The following RNF19A variants were observed in gnomAD, a reference collection of about 807,000 sequenced individuals.
RNF19A encodes the protein ring finger protein 19A, RBR E3 ubiquitin protein ligase, also known as E3 ubiquitin-protein ligase RNF19A.
RNF19A carries 32 observed loss-of-function variants against 75.7 expected under a neutral mutation model. That is an observed-to-expected ratio of 0.42 (90% CI 0.32 to 0.57). The LOEUF is 0.57. RNF19A is among the 20% of genes least tolerant of loss of function. The pLI is 0.10. For missense variants in RNF19A, 782 were observed against 1,036.3 expected (o/e 0.75, Z 3.37); for synonymous variants, 335 against 345.2 (o/e 0.97, Z 0.33).
intron 1 of RNF19A, among the ~76,000 whole-genome samples, chr8:100,289,747 AAC>A (rs1821200896): frequency 6.6e-6 from 1 of 152,222 alleles, no homozygotes; most frequent in African/African-American, 2.4e-5. Flanking sequence ...ATCAAATTGG[AAC>A]ACAGAGATGC....
In RNF19A at chr8:100,284,501, A is replaced by G. The variant is rs1313053423; in HGVS notation, c.674+3000T>C. On this transcript the variant is annotated intron_variant, in intron 2 of 9. Coordinates refer to ENST00000341084, the MANE Select transcript of RNF19A (RefSeq NM_183419.4). This position sits in a 1 kb window ranked among gnomAD's most constrained non-coding sequence, Gnocchi z 4.3. ...TAAGACTATGACAACCAATAACACCAAAAATTAATGTATGGCCAAATTAAT... is the reference window on the plus strand; with the variant it reads ...TAAGACTATGACAACCAATAACACCGAAAATTAATGTATGGCCAAATTAAT... Among the ~76,000 whole-genome samples, 1 of 152,164 alleles carries G rather than the reference A, an allele frequency of 6.6e-6. No individual in the cohort carries two copies. Among genetic ancestry groups the G allele is most frequent in the East Asian group, 1.9e-4 (1 of 5,204 alleles).
chr8:100,321,630 G>A (rs1466731579), intron 1 of RNF19A, among the ~76,000 whole-genome samples: 1 of 152,168 alleles, frequency 6.6e-6, no homozygotes, highest in East Asian at 1.9e-4. Flanking sequence ...TTTACAGAAA[G>A]TTTTCAATTC....
upstream of RNF19A, among the ~76,000 whole-genome samples, chr8:100,311,072 A>C (rs916749063): frequency 3.3e-5 from 5 of 152,246 alleles, no homozygotes; most frequent in African/African-American, 1.2e-4. Flanking sequence ...ACTTAACTAA[A>C]TATATCACTC....
rs887945734 is a variant in RNF19A at position 100,261,484 on chromosome 8, C to T, written c.1682+58G>A. 15 of 1,363,130 alleles carry T rather than the reference C, an allele frequency of 1.1e-5. No individual in the cohort carries two copies. Among genetic ancestry groups the T allele is most frequent in the Non-Finnish European group, 1.6e-5 (15 of 954,282 alleles). 84.4% of individuals were successfully genotyped at this position (1,363,130 alleles called of 1,614,324 possible). On this transcript the variant is annotated intron_variant, in intron 8 of 9. Transcript: ENST00000341084. This position sits in a 1 kb window ranked among gnomAD's most constrained non-coding sequence, Gnocchi z 4.4. ...TCATGCTTTATGTTCAAAATTCTCA[C>T]CTAATTAATAATTTGTAGTTACCAG...
Position 100,316,012 on chromosome 8 carries a change from G to A in RNF19A, c.-242-2640C>T, listed in dbSNP as rs990029648. On this transcript the variant is annotated intron_variant, in intron 1 of 3. Transcript: ENST00000519527. ...CAAGAATGAAGCCGTGGACCCTTGC[G>A]GTGAGTGTTACAGCTTTTAAGGTGG... Among the ~76,000 whole-genome samples the A allele has an allele frequency of 1.2e-4, 19 of 152,102 alleles. 1 individual carries two copies. The highest frequency in any genetic ancestry group is 2.1e-4 in the Non-Finnish European group (14 of 68,010).
intron 2 of RNF19A, among the ~76,000 whole-genome samples, chr8:100,276,119 A>G (rs948662787): frequency 2.6e-5 from 4 of 152,228 alleles, no homozygotes; most frequent in African/African-American, 9.6e-5. Context: ...AAACAAATGA[A>G]TATTTGTGCT....
At position 100,274,291 on chromosome 8, in the gene RNF19A, T is replaced by C. The variant is rs60449074; in HGVS notation, c.883+662A>G. 3.4e-3 allele frequency among the ~76,000 whole-genome samples: 521 copies of C among 152,314 alleles called. 2 individuals carry two copies. The highest frequency in any genetic ancestry group is 0.012 in the African/African-American group (485 of 41,560). ...TCCAAGTGAACTACCCAATGGCTAC[T>C]GCTGACTCTTCAGGGAACAGTTTAG... On this transcript the variant is annotated intron_variant, in intron 3 of 9. Coordinates refer to ENST00000341084, the MANE Select transcript of RNF19A (RefSeq NM_183419.4).
At position 100,264,078 on chromosome 8, in the gene RNF19A, T is replaced by C. The variant is rs773654890; in HGVS notation, c.1424A>G (p.Asp475Gly). The change falls in exon 7 of 10, where the codon GAT becomes GGT. Residue 475 changes from aspartate (D) to glycine (G), a missense_variant. Transcript: ENST00000341084. The surrounding 1 kb of genome is among the most constrained non-coding windows in gnomAD (Gnocchi z 4.7). ...GNGKGVRIEF[D>G]DENDINVGGT... ...ACCAACATTTATATCATTTTCATCA[T>C]CAAATTCAATCCTAACTCCTTTTCC... The C allele has an allele frequency of 1.2e-6, 2 of 1,613,744 alleles. No individual in the cohort carries two copies. The highest frequency in any genetic ancestry group is 1.7e-6 in the Non-Finnish European group (2 of 1,179,744).
intron 1 of RNF19A, among the ~76,000 whole-genome samples, chr8:100,302,788 A>G (rs934497463): frequency 6.6e-6 from 1 of 152,228 alleles, no homozygotes; most frequent in Non-Finnish European, 1.5e-5. Flanking sequence ...CTGTTGGTCT[A>G]TCCTACTAGT....
Position 100,322,527 on chromosome 8 carries a change from T to C in RNF19A, c.-242-9155A>G, listed in dbSNP as rs1271042081. On this transcript the variant is annotated intron_variant, in intron 1 of 3. Coordinates refer to the RNF19A transcript ENST00000519527. The surrounding 1 kb of genome is among the most constrained non-coding windows in gnomAD (Gnocchi z 5.1). ...TTTCTCCAAATTAGCAATAAGGCTGTTTCATTTATGAGTTCACTGGAGTAG... is the reference window on the plus strand; with the variant it reads ...TTTCTCCAAATTAGCAATAAGGCTGCTTCATTTATGAGTTCACTGGAGTAG... Among the ~76,000 whole-genome samples, 1 of 152,246 alleles carries C rather than the reference T, an allele frequency of 6.6e-6. No homozygotes were observed. Among genetic ancestry groups the C allele is most frequent in the Non-Finnish European group, 1.5e-5 (1 of 68,042 alleles).
In RNF19A at chr8:100,269,047, T is replaced by C. The variant is rs1820131096; in HGVS notation, c.1029-100A>G. 7 of 872,126 alleles carry C rather than the reference T, an allele frequency of 8.0e-6. No individual in the cohort carries two copies. The South Asian group carries it at 1.6e-4, about 20-fold the overall frequency. 54.0% of individuals were successfully genotyped at this position (872,126 alleles called of 1,614,324 possible). On this transcript the variant is annotated intron_variant, in intron 4 of 9. Transcript: ENST00000341084. The surrounding 1 kb of genome is among the most constrained non-coding windows in gnomAD (Gnocchi z 5.7). ...AATGACTATTTTTAAAAACTTCTCA[T>C]AGTTAGGAGCTTTTTTCCCCTTTAA...
rs183730115 is a variant in RNF19A, at chr8:100,333,466, T to G, written c.-243+2642A>C. ...ATGACAAGAGAAAATGCTCACACTA[T>G]TATATTAGAGGCAAGATTCAAGATT... On this transcript the variant is annotated intron_variant, in intron 1 of 3. Transcript: ENST00000519527. This position sits in a 1 kb window ranked among gnomAD's most constrained non-coding sequence, Gnocchi z 4.7. 5.3e-5 allele frequency among the ~76,000 whole-genome samples: 8 copies of G among 152,298 alleles called. No homozygotes were observed. In the East Asian group the frequency reaches 1.5e-3, roughly 29 times the overall value.
intron 1 of RNF19A, among the ~76,000 whole-genome samples, chr8:100,315,269 T>A (rs1308224491): frequency 6.6e-6 from 1 of 152,180 alleles, no homozygotes; most frequent in African/African-American, 2.4e-5. Context: ...GCCTGGATGA[T>A]CTATGTATAC....
At chr8:100,318,300 C>T (rs1464733375) in intron 1 of RNF19A, among the ~76,000 whole-genome samples, 1 of 152,186 alleles carries the variant, frequency 6.6e-6, no homozygotes, top group Non-Finnish European at 1.5e-5. Flanking sequence ...TGGTCTCCTT[C>T]CGGTCTGTGT....
rs1400007860 is a variant in RNF19A, at chr8:100,330,369, C to T, written c.-243+5739G>A. On this transcript the variant is annotated intron_variant, in intron 1 of 3. Coordinates refer to the RNF19A transcript ENST00000519527. The surrounding 1 kb of genome is among the most constrained non-coding windows in gnomAD (Gnocchi z 4.1). ...TTTATTTGGAGACCCATCCCTCCCT[C>T]ATTCTTGGTTCATAATATTAAAGTC... is the stretch of plus-strand genomic sequence containing the variant. Among the ~76,000 whole-genome samples, 2 of 152,222 alleles carry T rather than the reference C, an allele frequency of 1.3e-5. No homozygotes were observed. The highest frequency in any genetic ancestry group is 4.8e-5 in the African/African-American group (2 of 41,436).
At chr8:100,266,321 C>T (rs2132514316) in intron 5 of RNF19A, among the ~76,000 whole-genome samples, 1 of 152,284 alleles carries the variant, frequency 6.6e-6, no homozygotes, top group South Asian at 2.1e-4. Context: ...AAAAGGAGAT[C>T]TGTAACTGTA....
At chr8:100,308,858 C>A (rs1022850307) in intron 1 of RNF19A, among the ~76,000 whole-genome samples, 2 of 152,158 alleles carry the variant, frequency 1.3e-5, no homozygotes, top group African/African-American at 4.8e-5. Flanking sequence ...TAACGTCACC[C>A]CAACAGAACA....
At chr8:100,270,039 T>TA in intron 3 of RNF19A, 26 bp from the exon 4 acceptor site, 1 of 1,526,196 alleles carries the variant, frequency 6.6e-7, no homozygotes. Flanking sequence ...AGAAATCTAT[T>TA]AAGTACATAA....
Position 100,294,718 on chromosome 8 carries a change from A to G in RNF19A, c.-93-6451T>C, listed in dbSNP as rs139776435. ...AAAACATCTTGCAGTTTTCCAAAGG[A>G]TATCTTCATCTAGGCTTTGAGATAC... On this transcript the variant is annotated intron_variant, in intron 1 of 9. Transcript: ENST00000341084. 2.6e-3 allele frequency among the ~76,000 whole-genome samples: 394 copies of G among 152,188 alleles called. 1 individual carries two copies. The highest frequency in any genetic ancestry group is 4.4e-3 in the Non-Finnish European group (302 of 67,994).
Sources: allele counts gnomAD v4.1 joint callset (sites outside exome capture counted in the v4.1 genomes callset), GRCh38; gene constraint gnomAD v4.1.1; non-coding constraint Gnocchi (gnomAD v3.1); transcripts MANE v1.5; gene names NCBI Gene and HGNC (gene_info 2026-07-23, HGNC 2026-07-21).